Variants in PDZD2 observed in about 807,000 individuals in gnomAD.
PDZD2 encodes the protein PDZ domain-containing protein 2.
In PDZD2, 90 loss-of-function variants were observed where a neutral mutation model predicts 220.7. That is an observed-to-expected ratio of 0.41 (90% CI 0.34 to 0.49). The LOEUF is 0.49. Ranked by LOEUF, PDZD2 falls within the 20% of genes least tolerant of loss-of-function variation. The pLI, the probability that PDZD2 is intolerant of heterozygous loss-of-function variation, is 0.28. For missense variants in PDZD2, 3,174 were observed against 3,608.5 expected, an observed-to-expected ratio of 0.88 and a Z score of 3.08; for synonymous variants, 1,375 against 1,450.5, an observed-to-expected ratio of 0.95 and a Z score of 1.18.
chr5:31,658,851 C>G (rs905655778), intron 1 of PDZD2, among the ~76,000 whole-genome samples: 6 of 152,044 alleles, frequency 3.9e-5, no homozygotes, highest in African/African-American at 1.4e-4. Flanking sequence ...GAATTCCTGA[C>G]CTCGTGATCC....
intron 1 of PDZD2, among the ~76,000 whole-genome samples, chr5:31,719,246 CTA>C (rs1444736709): frequency 6.6e-6 from 1 of 152,076 alleles, no homozygotes; most frequent in Non-Finnish European, 1.5e-5. Flanking sequence ...TTGGATTCCA[CTA>C]TATGATCTAG....
At chr5:31,829,953 C>G (rs1045602053) in intron 2 of PDZD2, among the ~76,000 whole-genome samples, 6 of 151,926 alleles carry the variant, frequency 3.9e-5, no homozygotes, top group African/African-American at 1.4e-4. Context: ...GAGGCTGAGG[C>G]AAGAGGGTCG....
intron 2 of PDZD2, among the ~76,000 whole-genome samples, chr5:31,934,171 G>A (rs540733168): frequency 1.3e-5 from 2 of 152,020 alleles, no homozygotes; most frequent in African/African-American, 4.8e-5. Flanking sequence ...TTTGGTCACA[G>A]GCCAAGGCAA....
rs572435596 is a variant in PDZD2 at position 31,872,163 on chromosome 5, G to T, written c.476+72439G>T. Among the ~76,000 whole-genome samples the T allele has an allele frequency of 2.6e-5, 4 of 152,004 alleles. No homozygotes were observed. In the East Asian group the frequency reaches 7.7e-4, roughly 29 times the overall value. Reference sequence around the variant, plus strand: ...GAGTGGTGTGTGTGTGTGTGTGTGTGTGTGTGTAACCAGCCCACCTGAGGC... The same window carrying T: ...GAGTGGTGTGTGTGTGTGTGTGTGTTTGTGTGTAACCAGCCCACCTGAGGC... On this transcript the variant is annotated intron_variant, in intron 2 of 24. Transcript: ENST00000438447.
At chr5:31,849,987 T>C (rs1242402679) in intron 2 of PDZD2, among the ~76,000 whole-genome samples, 1 of 33,210 alleles carries the variant, frequency 3.0e-5, no homozygotes, top group African/African-American at 2.7e-4. Context: ...TACATATATA[T>C]ATATACACAT....
At chr5:31,860,722 G>T (rs1037873626) in intron 2 of PDZD2, among the ~76,000 whole-genome samples, 6 of 152,166 alleles carry the variant, frequency 3.9e-5, no homozygotes, top group African/African-American at 1.4e-4. Flanking sequence ...TGTTGGCATG[G>T]TAGCGTCTTC....
At position 32,071,285 on chromosome 5, in the gene PDZD2, TTAC is replaced by T. The variant is rs1740714760; in HGVS notation, c.2534-97_2534-95del. 6 of 871,248 alleles carry T rather than the reference TTAC, an allele frequency of 6.9e-6. No individual in the cohort carries two copies. The East Asian group carries it at 1.4e-4, about 21-fold the overall frequency. The allele number at this position is 871,248 out of a possible 1,614,324, so 54.0% of individuals were successfully genotyped here. A position where few individuals can be genotyped will look rare whatever the true frequency, so the allele number is the denominator to read the frequency against. Reference sequence around the variant, plus strand: ...CGTCATCAAGCAAAGGGAGTTTTGTTTACTGTGTTTGCCGCCTCCTTTTCTAGT... The same window carrying T: ...CGTCATCAAGCAAAGGGAGTTTTGTTTGTGTTTGCCGCCTCCTTTTCTAGT... On this transcript the variant is annotated intron_variant, in intron 15 of 24. Coordinates refer to ENST00000438447, the MANE Select transcript of PDZD2 (RefSeq NM_178140.4).
At chr5:32,005,641 A>G (rs1752741908) in intron 5 of PDZD2, among the ~76,000 whole-genome samples, 1 of 152,136 alleles carries the variant, frequency 6.6e-6, no homozygotes, top group Admixed American at 6.6e-5. Flanking sequence ...TGTGTGTGCA[A>G]CATGTACATA....
intron 1 of PDZD2, among the ~76,000 whole-genome samples, chr5:31,723,598 T>C (rs949134928): frequency 2.6e-5 from 4 of 151,972 alleles, no homozygotes; most frequent in African/African-American, 9.7e-5. Flanking sequence ...TCAACTTGCC[T>C]CTTATTTTAT....
intron 1 of PDZD2, among the ~76,000 whole-genome samples, chr5:31,692,603 CCTT>C (rs1020566597): frequency 4.1e-4 from 63 of 152,366 alleles, no homozygotes; most frequent in African/African-American, 1.5e-3. Flanking sequence ...ATCCTCATGA[CCTT>C]CTGTCTCCAG....
chr5:31,808,908 G>C (rs937238178), intron 2 of PDZD2, among the ~76,000 whole-genome samples: 1 of 151,170 alleles, frequency 6.6e-6, no homozygotes, highest in Non-Finnish European at 1.5e-5. Context: ...TGAACTGGGA[G>C]GCGGAGGTTG....
At chr5:31,989,105 A>C (rs754039803) in intron 3 of PDZD2, among the ~76,000 whole-genome samples, 44 of 152,282 alleles carry the variant, frequency 2.9e-4, no homozygotes, top group African/African-American at 1.0e-3. Context: ...TTCAACACAT[A>C]TATTACGTAG....
At chr5:31,781,595 C>G (rs975291246) in intron 1 of PDZD2, among the ~76,000 whole-genome samples, 6 of 152,186 alleles carry the variant, frequency 3.9e-5, no homozygotes, top group Admixed American at 3.9e-4. Context: ...TAAAGTCTTA[C>G]CCAGAAGCAT....
rs557523419 is a variant in PDZD2 at position 31,796,989 on chromosome 5, G to A, written c.-360-1900G>A. ...GTCGCCCAGGCTGGAGTGCAGTGGC[G>A]AGATCTCGGCTCACTGCAAGCTCCG... On this transcript the variant is annotated intron_variant, in intron 1 of 24. Transcript: ENST00000438447. Among the ~76,000 whole-genome samples the A allele has an allele frequency of 8.7e-5, 13 of 150,184 alleles. No homozygotes were observed. The East Asian group carries it at 2.5e-3, about 29-fold the overall frequency.
At chr5:32,075,421 G>A (rs1365380839) in intron 18 of PDZD2, among the ~76,000 whole-genome samples, 1 of 152,184 alleles carries the variant, frequency 6.6e-6, no homozygotes, top group Non-Finnish European at 1.5e-5. Context: ...CCCTCCAGCT[G>A]ATAAGGTTAT....
intron 6 of PDZD2, among the ~76,000 whole-genome samples, chr5:32,034,292 G>C (rs1389063690): frequency 6.6e-6 from 1 of 152,064 alleles, no homozygotes; most frequent in African/African-American, 2.4e-5. Context: ...TACAAGCCAG[G>C]GAATCCCTTA....
intron 2 of PDZD2, among the ~76,000 whole-genome samples, chr5:31,830,168 C>CTT (rs11350706): frequency 9.6e-4 from 129 of 135,058 alleles, no homozygotes; most frequent in African/African-American, 3.4e-3. Flanking sequence ...AATCCAATGG[C>CTT]TTTTTTTTTT....
At chr5:31,865,820 GCT>G (rs1321131342) in intron 2 of PDZD2, among the ~76,000 whole-genome samples, 5 of 150,118 alleles carry the variant, frequency 3.3e-5, no homozygotes, top group African/African-American at 1.2e-4. Flanking sequence ...TTTAGTAGAG[GCT>G]GGGTTTCACC....
chr5:31,640,541 A>G (rs974833452), intron 1 of PDZD2, among the ~76,000 whole-genome samples: 1 of 152,154 alleles, frequency 6.6e-6, no homozygotes, highest in African/African-American at 2.4e-5. Flanking sequence ...TGATGCCCTG[A>G]TCTGTCCTTG....
Sources: gnomAD v4.1 joint callset for allele counts (sites outside exome capture counted in the v4.1 genomes callset) on GRCh38, gnomAD v4.1.1 for gene constraint, MANE v1.5 for transcripts, NCBI Gene and HGNC (gene_info 2026-07-23, HGNC 2026-07-21) for gene names.